IQCK: variants seen among roughly 807,000 people sequenced by gnomAD.
IQCK encodes IQ motif containing K, also known as IQ domain-containing protein K.
In IQCK, 29 loss-of-function variants were observed where a neutral mutation model predicts 28.1. The ratio of observed to expected loss-of-function variants is 1.03; its 90% CI spans 0.77 to 1.41. The LOEUF (loss-of-function observed/expected upper bound fraction) is 1.41. Among genes scored for constraint, IQCK ranks in the 40% most tolerant of loss-of-function variants. The probability of loss-of-function intolerance (pLI) is 0.00; values close to 1 mark genes in which losing one functional copy is unlikely to be tolerated. For missense variants in IQCK, 359 were observed against 314.7 expected, an observed-to-expected ratio of 1.14 and a Z score of -1.07; for synonymous variants, 113 against 115.1, an observed-to-expected ratio of 0.98 and a Z score of 0.12.
intron 3 of IQCK, among the ~76,000 whole-genome samples, chr16:19,734,458 A>AC (rs1468894354): frequency 2.9e-5 from 3 of 104,862 alleles, no homozygotes; most frequent in African/African-American, 6.6e-5. Flanking sequence ...AGACTCCATC[A>AC]CAAAAAAAAA....
At chr16:19,857,734 G>A (rs1462380506) in exon 10 of IQCK, 13 of 145,902 alleles carry the variant, frequency 8.9e-5, no homozygotes, top group Non-Finnish European at 1.5e-4. Flanking sequence ...GGGTCCTGAC[G>A]GCATCTGGGC....
chr16:19,838,543 G>T (rs2056324897), intron 9 of IQCK, among the ~76,000 whole-genome samples: 1 of 152,144 alleles, frequency 6.6e-6, no homozygotes, highest in Non-Finnish European at 1.5e-5. Flanking sequence ...GGGAAATTCT[G>T]TCTGCCTTGT....
chr16:19,820,457 G>A (rs889941420), intron 7 of IQCK, among the ~76,000 whole-genome samples: 1 of 152,086 alleles, frequency 6.6e-6, no homozygotes, highest in Non-Finnish European at 1.5e-5. Flanking sequence ...AGACCATCCT[G>A]GCTAACATGG....
chr16:19,730,144 CAG>C (rs1409283641), intron 1 of IQCK, among the ~76,000 whole-genome samples: 1 of 151,918 alleles, frequency 6.6e-6, no homozygotes, highest in Admixed American at 6.6e-5. Flanking sequence ...TTAGTAAAGA[CAG>C]GGTTTCACCA....
chr16:19,852,709 G>A (rs1219825785), intron 9 of IQCK, among the ~76,000 whole-genome samples: 3 of 143,804 alleles, frequency 2.1e-5, no homozygotes, highest in African/African-American at 5.2e-5. Flanking sequence ...TGCAAGCTCC[G>A]CCTCCTGGGT....
chr16:19,756,036 T>C (rs748555688), intron 4 of IQCK, among the ~76,000 whole-genome samples: 3 of 152,106 alleles, frequency 2.0e-5, no homozygotes, highest in African/African-American at 7.2e-5. Context: ...TCAAAAAAAT[T>C]AGCTGGGCCT....
intron 6 of IQCK, among the ~76,000 whole-genome samples, chr16:19,776,825 G>A (rs193265959): frequency 6.6e-5 from 10 of 152,206 alleles, no homozygotes; most frequent in South Asian, 4.2e-4. Flanking sequence ...ATCTCCCGTC[G>A]GCCTTAGTCC....
At chr16:19,752,960 C>A (rs1279037781) in intron 4 of IQCK, among the ~76,000 whole-genome samples, 1 of 152,162 alleles carries the variant, frequency 6.6e-6, no homozygotes, top group East Asian at 1.9e-4. Context: ...TCTCTCTCTT[C>A]TTCTCTTGAC....
At chr16:19,822,173 G>A (rs898534527) in intron 7 of IQCK, among the ~76,000 whole-genome samples, 1 of 151,148 alleles carries the variant, frequency 6.6e-6, no homozygotes. Context: ...AGATCACACG[G>A]TCAGGGGTTC....
intron 4 of IQCK, among the ~76,000 whole-genome samples, chr16:19,757,527 G>T (rs577282024): frequency 1.3e-5 from 2 of 152,230 alleles, no homozygotes; most frequent in African/African-American, 4.8e-5. Flanking sequence ...ACAAAAATTA[G>T]CCAGGCCATG....
intron 6 of IQCK, among the ~76,000 whole-genome samples, chr16:19,778,576 G>A (rs374592649): frequency 6.6e-6 from 1 of 152,034 alleles, no homozygotes. Flanking sequence ...AGTATCACTT[G>A]GACCTGGGAG....
At chr16:19,767,069 CAG>C (rs1399326658) in intron 6 of IQCK, among the ~76,000 whole-genome samples, 1 of 152,168 alleles carries the variant, frequency 6.6e-6, no homozygotes, top group Non-Finnish European at 1.5e-5. Context: ...GGGCATGCAA[CAG>C]GGGGATGTGG....
chr16:19,761,604 A>G (rs1001505142), intron 4 of IQCK: 5 of 279,596 alleles, frequency 1.8e-5, no homozygotes, highest in Non-Finnish European at 3.6e-5. Context: ...TTCCATAACA[A>G]TTCTCTAAAA....
downstream of IQCK, among the ~76,000 whole-genome samples, chr16:19,828,408 A>G (rs1464103604): frequency 7.1e-6 from 1 of 140,524 alleles, no homozygotes; most frequent in Non-Finnish European, 1.5e-5. Flanking sequence ...TAATTTTTGT[A>G]TTTTTAGTAG....
intron 9 of IQCK, among the ~76,000 whole-genome samples, chr16:19,836,996 T>C (rs2056307266): frequency 6.6e-6 from 1 of 152,206 alleles, no homozygotes; most frequent in Admixed American, 6.5e-5. Context: ...CATAGAGTTT[T>C]TGTGAGGATT....
At position 19,786,628 on chromosome 16, in the gene IQCK, G is replaced by T. The variant is rs970726630; in HGVS notation, c.606-2210G>T. 3.8e-4 allele frequency among the ~76,000 whole-genome samples: 53 copies of T among 140,250 alleles called. 2 individuals are homozygous for T. The highest frequency in any genetic ancestry group is 1.7e-3 in the African/African-American group (53 of 31,572). 92.0% of individuals were successfully genotyped at this position (140,250 alleles called of 152,430 possible). ...CAGGAGGATCGCTTGAACCTGGGAG[G>T]CAGAGGTTGCAGTGAGCCGAGATTA... is the stretch of plus-strand genomic sequence containing the variant. On this transcript the variant is annotated intron_variant, in intron 6 of 7. Coordinates refer to ENST00000564186, the Ensembl canonical transcript of IQCK.
At chr16:19,729,468 C>T (rs1304825627) in intron 1 of IQCK, among the ~76,000 whole-genome samples, 1 of 151,836 alleles carries the variant, frequency 6.6e-6, no homozygotes, top group African/African-American at 2.4e-5. Context: ...CCTTACCCAA[C>T]CTCCACGTTC....
intron 6 of IQCK, chr16:19,766,025 G>A (rs925301363): frequency 7.2e-5 from 11 of 152,214 alleles, no homozygotes; most frequent in Admixed American, 3.9e-4. Context: ...TACTGTGAAG[G>A]AGCAGTAGCG....
intron 6 of IQCK, among the ~76,000 whole-genome samples, chr16:19,766,667 G>T (rs1465176494): frequency 1.3e-5 from 2 of 152,056 alleles, no homozygotes; most frequent in Non-Finnish European, 2.9e-5. Context: ...AGCATCTCTG[G>T]CCTCCACTCA....
Sources: allele counts gnomAD v4.1 joint callset (sites outside exome capture counted in the v4.1 genomes callset), GRCh38; gene constraint gnomAD v4.1.1; transcripts MANE v1.5; gene names NCBI Gene and HGNC (gene_info 2026-07-23, HGNC 2026-07-21).